TTC7A: variants seen among roughly 807,000 people sequenced by gnomAD.
TTC7A encodes the protein tetratricopeptide repeat protein 7A.
In TTC7A, 110 loss-of-function variants were observed where a neutral mutation model predicts 103.7. That is an observed-to-expected ratio of 1.06 (90% CI 0.91 to 1.24). The LOEUF (loss-of-function observed/expected upper bound fraction) is 1.24, where lower values mean the gene tolerates loss of function less well. Ranked by LOEUF, TTC7A falls within the 50% of genes most tolerant of loss-of-function variation. The probability of loss-of-function intolerance (pLI) is 0.00; values close to 1 mark genes in which losing one functional copy is unlikely to be tolerated. For synonymous variants in TTC7A, 521 were observed against 467.9 expected (o/e 1.11, Z -1.47); for missense variants, 1,340 against 1,116.3 (o/e 1.20, Z -2.86).
At chr2:46,952,380 T>C (rs1192115238) in intron 2 of TTC7A, among the ~76,000 whole-genome samples, 1 of 152,176 alleles carries the variant, frequency 6.6e-6, no homozygotes, top group Non-Finnish European at 1.5e-5. Context: ...AAATTAAATA[T>C]TTAAAAATTG....
chr2:46,993,146 T>C (rs6708635), intron 5 of TTC7A, among the ~76,000 whole-genome samples: 15 of 152,006 alleles, frequency 9.9e-5, no homozygotes. Flanking sequence ...AGGCTCTTAG[T>C]CCAAGGTCAC....
rs1161003607 is a variant in TTC7A at position 46,934,787 on chromosome 2, C to CTTTTTTTTTTTTTT, written c.83-15557_83-15544dup. On this transcript the variant is annotated intron_variant, in intron 2 of 20. Transcript: ENST00000409245. Reference sequence around the variant, plus strand: ...GGAATAAGGTATGAAGACTACTGCTCTTTTTTTTTTTTTTTTTTTTTTTTT... The same window carrying CTTTTTTTTTTTTTT: ...GGAATAAGGTATGAAGACTACTGCTCTTTTTTTTTTTTTTTTTTTTTTTTTTTTTTTTTTTTTTT... 1.5e-4 allele frequency among the ~76,000 whole-genome samples: 10 copies of CTTTTTTTTTTTTTT among 66,916 alleles called. 2 individuals are homozygous for CTTTTTTTTTTTTTT. The highest frequency in any genetic ancestry group is 2.4e-4 in the Non-Finnish European group (9 of 37,308). The allele number at this position is 66,916 out of a possible 152,430, so 43.9% of individuals were successfully genotyped here.
intron 5 of TTC7A, among the ~76,000 whole-genome samples, chr2:46,990,921 G>GGTTT (rs1343214234): frequency 6.6e-6 from 1 of 152,126 alleles, no homozygotes; most frequent in Non-Finnish European, 1.5e-5. Context: ...TTGGTTGGTT[G>GGTTT]GTTTGTTTTG....
rs370063275 is a variant in TTC7A, at chr2:46,950,577, C to G, written c.348+51C>G. The G allele has an allele frequency of 9.4e-6, 15 of 1,590,588 alleles. No individual in the cohort carries two copies. The African/African-American group carries it at 1.3e-4, about 14-fold the overall frequency. ...GACCTCCTCTCCTCGTCTGTCTTGC[C>G]TCGCATCTGTCCAGTCCTCCCTGAG... On this transcript the variant is annotated intron_variant, in intron 2 of 19. Transcript: ENST00000319190.
intron 19 of TTC7A, chr2:47,066,131 A>T (rs776945581): frequency 1.3e-5 from 2 of 152,164 alleles, no homozygotes; most frequent in Non-Finnish European, 2.9e-5. Flanking sequence ...TCTCTCCCCA[A>T]ATGCCCCTGG....
chr2:47,053,543 TTTGG>T (rs35563040), intron 18 of TTC7A, among the ~76,000 whole-genome samples: 94 of 140,230 alleles, frequency 6.7e-4, no homozygotes, highest in East Asian at 4.0e-3. Context: ...TGTTTGTTTG[TTTGG>T]TTGGTTGGTT....
chr2:47,018,427 A>G (rs1678918635), intron 11 of TTC7A, among the ~76,000 whole-genome samples: 1 of 151,980 alleles, frequency 6.6e-6, no homozygotes, highest in Non-Finnish European at 1.5e-5. Context: ...TGCTAAAAAT[A>G]TAAAAAAATT....
intron 16 of TTC7A, among the ~76,000 whole-genome samples, chr2:47,047,790 T>G (rs1011790738): frequency 6.6e-6 from 1 of 152,212 alleles, no homozygotes; most frequent in African/African-American, 2.4e-5. Flanking sequence ...GGCTGGGGCT[T>G]GTCACAATGG....
chr2:47,028,265 G>A (rs1026961414), intron 14 of TTC7A, among the ~76,000 whole-genome samples: 2 of 152,184 alleles, frequency 1.3e-5, no homozygotes, highest in African/African-American at 4.8e-5. Context: ...CCCTGAAATA[G>A]TCCCCATAGG....
intron 2 of TTC7A, among the ~76,000 whole-genome samples, chr2:46,931,932 A>T (rs1023661834): frequency 6.6e-6 from 1 of 152,198 alleles, no homozygotes; most frequent in Non-Finnish European, 1.5e-5. Flanking sequence ...TTGATTCCAG[A>T]AATGTGAGGA....
At chr2:46,971,474 G>C (rs1331743439) in intron 3 of TTC7A, among the ~76,000 whole-genome samples, 1 of 152,118 alleles carries the variant, frequency 6.6e-6, no homozygotes, top group Non-Finnish European at 1.5e-5. Context: ...GATGAGGCTG[G>C]AGAATTGATA....
chr2:46,936,608 T>C (rs1669991611), upstream of TTC7A, among the ~76,000 whole-genome samples: 1 of 152,184 alleles, frequency 6.6e-6, no homozygotes, highest in African/African-American at 2.4e-5. Flanking sequence ...AACCTGTCTA[T>C]GGCTTCCTCG....
chr2:47,072,924 T>C (rs753862009), intron 19 of TTC7A, among the ~76,000 whole-genome samples: 8 of 152,232 alleles, frequency 5.3e-5, no homozygotes, highest in East Asian at 1.9e-4. Flanking sequence ...CCTCTTCTTA[T>C]GACTATTCCT....
At chr2:47,048,708 T>C (rs1468293264) in intron 16 of TTC7A, among the ~76,000 whole-genome samples, 1 of 152,134 alleles carries the variant, frequency 6.6e-6, no homozygotes, top group Non-Finnish European at 1.5e-5. Flanking sequence ...GCTTAAGCAA[T>C]CCTCCTGCCT....
intron 19 of TTC7A, among the ~76,000 whole-genome samples, chr2:47,069,159 C>G (rs997442540): frequency 1.3e-5 from 2 of 152,068 alleles, no homozygotes; most frequent in African/African-American, 4.8e-5. Flanking sequence ...AGACCTAGAA[C>G]CTGATACCAG....
At chr2:47,072,226 G>C (rs915734398) in intron 19 of TTC7A, among the ~76,000 whole-genome samples, 1 of 152,182 alleles carries the variant, frequency 6.6e-6, no homozygotes, top group Non-Finnish European at 1.5e-5. Flanking sequence ...CCTGCCTGAG[G>C]CTCCACCCCG....
intron 1 of TTC7A, among the ~76,000 whole-genome samples, chr2:46,946,832 A>G (rs928509865): frequency 6.6e-6 from 1 of 152,230 alleles, no homozygotes; most frequent in Non-Finnish European, 1.5e-5. Context: ...GAGGAAGGCA[A>G]GAGAGAGGTA....
chr2:46,941,647 C>T lies in TTC7A; in HGVS notation c.106C>T (p.Leu36=). ...WDRMPELVRQ[L]QTLSMPGGGG... ...CCGCATGCCGGAGCTGGTCCGGCAG[C>T]TGCAGACGCTGAGCATGCCCGGCGG... is the stretch of plus-strand genomic sequence containing the variant. Residue 36 remains leucine (L), a synonymous_variant, in exon 1 of 20, where the codon CTG becomes TTG. Transcript: ENST00000319190. This position sits in a 1 kb window ranked among gnomAD's most constrained non-coding sequence, Gnocchi z 4.2. 2 of 1,552,626 alleles carry T rather than the reference C, an allele frequency of 1.3e-6. No homozygotes were observed. The highest frequency in any genetic ancestry group is 1.7e-6 in the Non-Finnish European group (2 of 1,148,402).
At chr2:47,027,459 G>A (rs1680038179) in intron 14 of TTC7A, among the ~76,000 whole-genome samples, 1 of 152,358 alleles carries the variant, frequency 6.6e-6, no homozygotes. Flanking sequence ...TCTGCTGTGT[G>A]AAAAGAATGG....
Sources: gnomAD v4.1 joint callset for allele counts (sites outside exome capture counted in the v4.1 genomes callset) on GRCh38, gnomAD v4.1.1 for gene constraint, Gnocchi (gnomAD v3.1) non-coding constraint, MANE v1.5 for transcripts, NCBI Gene and HGNC (gene_info 2026-07-23, HGNC 2026-07-21) for gene names.